The following HMGCLL1 variants were observed in gnomAD, a reference collection of about 807,000 sequenced individuals.
The protein encoded by HMGCLL1 is 3-hydroxy-3-methylglutaryl-CoA lyase like 1.
Under a neutral mutation model 39.1 loss-of-function variants are expected in HMGCLL1, and 36 were observed. The ratio of observed to expected loss-of-function variants is 0.92; its 90% CI spans 0.71 to 1.22. The LOEUF (loss-of-function observed/expected upper bound fraction) is 1.22, where lower values mean the gene tolerates loss of function less well. HMGCLL1 is among the 50% of genes most tolerant of loss of function. HMGCLL1 has a pLI of 0.00. For synonymous variants in HMGCLL1, 149 were observed against 144.0 expected (o/e 1.03, Z -0.25); for missense variants, 451 against 416.5 (o/e 1.08, Z -0.72).
chr6:55,647,524 T>C, the HMGCLL1 span, among the ~76,000 whole-genome samples: 1 of 151,326 alleles, frequency 6.6e-6, no homozygotes, highest in Admixed American at 6.6e-5. Context: ...TGGTATGCTT[T>C]AATTTATTGC....
the HMGCLL1 span, among the ~76,000 whole-genome samples, chr6:55,650,133 A>ATATATATATATATATATAT: frequency 3.0e-5 from 2 of 67,260 alleles, no homozygotes; most frequent in South Asian, 4.7e-4. Flanking sequence ...ATATATATAT[A>ATATATATATATATATATAT]TACACACACA....
At chr6:55,490,522 T>C (rs1455423772) in intron 7 of HMGCLL1, among the ~76,000 whole-genome samples, 3 of 152,142 alleles carry the variant, frequency 2.0e-5, no homozygotes, top group African/African-American at 2.4e-5. Flanking sequence ...TGAAATGCTG[T>C]GGGAGTGGCA....
the HMGCLL1 span, among the ~76,000 whole-genome samples, chr6:55,607,630 A>T: frequency 6.6e-6 from 1 of 152,178 alleles, no homozygotes; most frequent in Non-Finnish European, 1.5e-5. Flanking sequence ...ACAATGCCAA[A>T]GATCATTCTA....
At chr6:55,445,994 T>C (rs1421722750) in intron 7 of HMGCLL1, among the ~76,000 whole-genome samples, 2 of 151,896 alleles carry the variant, frequency 1.3e-5, no homozygotes, top group Admixed American at 1.3e-4. Flanking sequence ...CACATGAAAA[T>C]GTGGTTCAAT....
intron 7 of HMGCLL1, among the ~76,000 whole-genome samples, chr6:55,448,318 A>T (rs1763941665): frequency 6.7e-6 from 1 of 149,388 alleles, no homozygotes; most frequent in African/African-American, 2.4e-5. Flanking sequence ...AATATTATAT[A>T]TACAAAAATA....
the HMGCLL1 span, among the ~76,000 whole-genome samples, chr6:55,641,776 T>G: frequency 6.6e-6 from 1 of 151,832 alleles, no homozygotes; most frequent in African/African-American, 2.4e-5. Flanking sequence ...TTCCTAGCAA[T>G]TGTATTTCTG....
intron 5 of HMGCLL1, among the ~76,000 whole-genome samples, chr6:55,500,307 C>A (rs1299285867): frequency 2.0e-5 from 3 of 151,860 alleles, no homozygotes; most frequent in Non-Finnish European, 4.4e-5. Flanking sequence ...ATTTGTTTCC[C>A]AGAAATATAA....
chr6:55,445,518 A>G (rs1763785430), intron 7 of HMGCLL1, among the ~76,000 whole-genome samples: 2 of 152,138 alleles, frequency 1.3e-5, no homozygotes, highest in African/African-American at 4.8e-5. Flanking sequence ...GTGTGTTTGA[A>G]AATAATAGAC....
chr6:55,664,590 A>G, the HMGCLL1 span, among the ~76,000 whole-genome samples: 1 of 151,788 alleles, frequency 6.6e-6, no homozygotes, highest in East Asian at 1.9e-4. Flanking sequence ...TTAGCTATCT[A>G]TTACTTTGTA....
intron 7 of HMGCLL1, among the ~76,000 whole-genome samples, chr6:55,490,884 T>C (rs1766273759): frequency 6.8e-6 from 1 of 146,170 alleles, no homozygotes; most frequent in Non-Finnish European, 1.5e-5. Flanking sequence ...AGTATTAAAA[T>C]GTATACCCAT....
At chr6:55,523,648 C>A (rs1187925432) in intron 3 of HMGCLL1, among the ~76,000 whole-genome samples, 14 of 151,826 alleles carry the variant, frequency 9.2e-5, no homozygotes, top group Non-Finnish European at 1.5e-4. Context: ...ATATATAAAA[C>A]CCAGTATATC....
At chr6:55,584,538 G>T in the HMGCLL1 span, among the ~76,000 whole-genome samples, 1 of 152,106 alleles carries the variant, frequency 6.6e-6, no homozygotes, top group African/African-American at 2.4e-5. Context: ...TAGACAAAGG[G>T]TCTCAAAAAC....
the HMGCLL1 span, among the ~76,000 whole-genome samples, chr6:55,588,804 A>G: frequency 6.6e-4 from 100 of 152,340 alleles, no homozygotes; most frequent in Admixed American, 3.1e-3. Context: ...TAGAAAATCT[A>G]GAAGAAATGG....
chr6:55,540,547 C>T (rs1387648554), intron 3 of HMGCLL1, among the ~76,000 whole-genome samples: 1 of 152,042 alleles, frequency 6.6e-6, no homozygotes, highest in Non-Finnish European at 1.5e-5. Flanking sequence ...ACTGGATCTG[C>T]CAGCACCTAA....
At chr6:55,591,661 G>T in the HMGCLL1 span, among the ~76,000 whole-genome samples, 1 of 145,882 alleles carries the variant, frequency 6.9e-6, no homozygotes. Flanking sequence ...AACTAATGAA[G>T]TTTTACTCTA....
chr6:55,513,868 T>C (rs1027719619), intron 5 of HMGCLL1, 180 bp downstream of exon 5: 8 of 571,634 alleles, frequency 1.4e-5, no homozygotes, highest in African/African-American at 1.4e-4. Flanking sequence ...AGATACTCAC[T>C]AATAATCAGC....
chr6:55,566,625 TCTC>T (rs1203200736), intron 1 of HMGCLL1: 6 of 455,938 alleles, frequency 1.3e-5, no homozygotes, highest in Non-Finnish European at 2.6e-5. Context: ...TTCTACTCCT[TCTC>T]CTGTAAAATA....
At chr6:55,601,612 T>C in the HMGCLL1 span, among the ~76,000 whole-genome samples, 1 of 152,180 alleles carries the variant, frequency 6.6e-6, no homozygotes, top group African/African-American at 2.4e-5. Context: ...CGGTCATTTT[T>C]TAAATCAGTC....
At chr6:55,585,896 T>C in the HMGCLL1 span, among the ~76,000 whole-genome samples, 1 of 152,074 alleles carries the variant, frequency 6.6e-6, no homozygotes, top group Non-Finnish European at 1.5e-5. Flanking sequence ...GGCAACATCT[T>C]AAGAAAAATA....
Sources: allele counts gnomAD v4.1 joint callset (sites outside exome capture counted in the v4.1 genomes callset), GRCh38; gene constraint gnomAD v4.1.1; transcripts MANE v1.5; gene names NCBI Gene and HGNC (gene_info 2026-07-23, HGNC 2026-07-21).